The following JARID2 variants were observed in gnomAD, a reference collection of about 807,000 sequenced individuals.
The protein encoded by JARID2 is protein Jumonji.
A neutral mutation model predicts 125.6 loss-of-function variants in JARID2; 21 were observed. The ratio of observed to expected loss-of-function variants is 0.17; its 90% CI spans 0.12 to 0.24. JARID2 has a LOEUF of 0.24. JARID2 is among the 10% of genes least tolerant of loss of function. The pLI is 1.00. For synonymous variants in JARID2, 736 were observed against 661.6 expected (o/e 1.11, Z -1.73); for missense variants, 1,303 against 1,639.6 (o/e 0.79, Z 3.55).
rs1291314513 is a variant in JARID2, at chr6:15,266,350, TTTACTTC to T, written c.45+19770_45+19776del. Among the ~76,000 whole-genome samples, 6 of 152,208 alleles carry T rather than the reference TTTACTTC, an allele frequency of 3.9e-5. No homozygotes were observed. In the East Asian group the frequency reaches 9.6e-4, roughly 24 times the overall value. ...AACAACATAAGTAATAGTTTAGAGT[TTTACTTC>T]TTAACGTCTTCCCAAATTCCTTCTC... is the stretch of plus-strand genomic sequence containing the variant. On this transcript the variant is annotated intron_variant, in intron 1 of 17. Coordinates refer to ENST00000341776, the MANE Select transcript of JARID2 (RefSeq NM_004973.4).
intron 3 of JARID2, among the ~76,000 whole-genome samples, chr6:15,418,569 TA>T (rs1766343579): frequency 6.6e-6 from 1 of 152,340 alleles, no homozygotes; most frequent in East Asian, 1.9e-4. Flanking sequence ...GACTTTAAAA[TA>T]AAAACTCTTA....
intron 1 of JARID2, among the ~76,000 whole-genome samples, chr6:15,283,191 G>A (rs1561768140): frequency 1.3e-5 from 2 of 148,294 alleles, no homozygotes; most frequent in South Asian, 2.1e-4. Context: ...TGTTAGCCAG[G>A]ACGGTCTCGA....
intron 3 of JARID2, among the ~76,000 whole-genome samples, chr6:15,451,060 GGCTGAGGTAGGAGAATC>G (rs1325448093): frequency 6.6e-6 from 1 of 152,216 alleles, no homozygotes; most frequent in East Asian, 1.9e-4. Flanking sequence ...CTACTCAGGA[GGCTGAGGTAGGAGAATC>G]GCTTGAACCT....
intron 1 of JARID2, among the ~76,000 whole-genome samples, chr6:15,366,896 TATGTCTATGTTA>T (rs1276626419): frequency 1.3e-5 from 2 of 152,226 alleles, no homozygotes; most frequent in Non-Finnish European, 2.9e-5. Flanking sequence ...ACAATCCTGC[TATGTCTATGTTA>T]TATTTGTTTT....
At chr6:15,488,347 G>A (rs1004616389) in intron 6 of JARID2, among the ~76,000 whole-genome samples, 3 of 152,184 alleles carry the variant, frequency 2.0e-5, no homozygotes, top group Non-Finnish European at 4.4e-5. Context: ...GCTTGTCCCC[G>A]GACAGGTGGC....
intron 16 of JARID2, among the ~76,000 whole-genome samples, chr6:15,514,438 G>T (rs974487562): frequency 6.6e-6 from 1 of 152,214 alleles, no homozygotes; most frequent in Non-Finnish European, 1.5e-5. Flanking sequence ...TCCCACAGGT[G>T]CCCCCTTCGG....
chr6:15,299,142 A>T (rs1041369030), intron 1 of JARID2, among the ~76,000 whole-genome samples: 1 of 152,232 alleles, frequency 6.6e-6, no homozygotes, highest in Middle Eastern at 3.4e-3. Context: ...GTCAAACTTC[A>T]CTGACCCGTG....
At chr6:15,358,981 C>T (rs1203487508) in intron 1 of JARID2, among the ~76,000 whole-genome samples, 1 of 152,340 alleles carries the variant, frequency 6.6e-6, no homozygotes, top group Non-Finnish European at 1.5e-5. Context: ...GGCGGCCATG[C>T]CTGACCACTA....
chr6:15,473,514 G>GCCCCCC lies in JARID2; in HGVS notation c.670+4807_670+4812dup, dbSNP rs3841758. ...GTCTCCCTTGTCTTCTGATGTGCGT[G>GCCCCCC]CCCCCCCCCCCCCCCCGCTTTGTGT... On this transcript the variant is annotated intron_variant, in intron 5 of 17. Coordinates refer to ENST00000341776, the MANE Select transcript of JARID2 (RefSeq NM_004973.4). Among the ~76,000 whole-genome samples the GCCCCCC allele has an allele frequency of 6.6e-4, 23 of 35,058 alleles. 4 individuals are homozygous for GCCCCCC. The highest frequency in any genetic ancestry group is 1.0e-3 in the Non-Finnish European group (14 of 13,438). 23.0% of individuals were successfully genotyped at this position (35,058 alleles called of 152,430 possible). A position where few individuals can be genotyped will look rare whatever the true frequency, so the allele number is the denominator to read the frequency against.
intron 3 of JARID2, among the ~76,000 whole-genome samples, chr6:15,451,487 G>A (rs1296162528): frequency 1.3e-5 from 2 of 152,130 alleles, no homozygotes; most frequent in South Asian, 2.1e-4. Context: ...TTTCGTGGCC[G>A]AATTTAGAAG....
chr6:15,454,782 G>GT (rs759680326), intron 4 of JARID2, among the ~76,000 whole-genome samples: 1 of 151,976 alleles, frequency 6.6e-6, no homozygotes, highest in Non-Finnish European at 1.5e-5. Context: ...ACATGCCTTA[G>GT]TTTTTACATA....
chr6:15,314,148 T>G (rs1406206477), intron 1 of JARID2, among the ~76,000 whole-genome samples: 1 of 152,216 alleles, frequency 6.6e-6, no homozygotes, highest in African/African-American at 2.4e-5. Flanking sequence ...TGGCAGAGGC[T>G]GTATTCAAAT....
chr6:15,444,266 C>T (rs138578449), intron 3 of JARID2, among the ~76,000 whole-genome samples: 1 of 152,274 alleles, frequency 6.6e-6, no homozygotes, highest in Non-Finnish European at 1.5e-5. Flanking sequence ...ACTGGGTGGA[C>T]CTTGCGCTTA....
chr6:15,449,483 CA>C (rs111845180), intron 3 of JARID2, among the ~76,000 whole-genome samples: 35 of 143,218 alleles, frequency 2.4e-4, no homozygotes, highest in Admixed American at 2.1e-4. Context: ...CTGTCTTTAT[CA>C]AAAAAAAAAA....
At position 15,520,262 on chromosome 6, in the gene JARID2, G is replaced by T; in HGVS notation, c.*11G>T. 6.4e-7 allele frequency: 1 copy of T among 1,569,138 alleles called. No homozygotes were observed. The highest frequency in any genetic ancestry group is 2.3e-5 in the East Asian group (1 of 43,228). The stretch of plus-strand genomic sequence containing the variant: ...TCGAGCTCATCATGAAGATGCCAAC[G>T]CCCGTGGTCGATTTATATATATTTT... On this transcript the variant is annotated 3_prime_UTR_variant, in exon 18 of 18. Transcript: ENST00000341776.
chr6:15,499,575 A>C (rs941580432), intron 7 of JARID2, among the ~76,000 whole-genome samples: 3 of 151,982 alleles, frequency 2.0e-5, no homozygotes, highest in Non-Finnish European at 4.4e-5. Context: ...CTACCTCTGT[A>C]AGTTGAGACA....
chr6:15,458,944 CA>C lies in JARID2; in HGVS notation c.493+6770del, dbSNP rs549004354. Among the ~76,000 whole-genome samples, 541 of 152,294 alleles carry C rather than the reference CA, an allele frequency of 3.6e-3. 3 individuals carry two copies. Among genetic ancestry groups the C allele is most frequent in the Non-Finnish European group, 2.6e-3 (178 of 68,028 alleles). On this transcript the variant is annotated intron_variant, in intron 4 of 17. Transcript: ENST00000341776. ...GAGTATCCCTTGGCGTTCTTCAAGT[CA>C]GGGGTGACATCATAATACACCTATG...
rs1279470865 is a variant in JARID2 at position 15,496,383 on chromosome 6, C to T, written c.1158C>T (p.Thr386=). Reference sequence around the variant, plus strand: ...AAACTGAAAGTAGCAATGCAAAAACCCGCAAACAGGTGCTATCCCTCGGGG... The same window carrying T: ...AAACTGAAAGTAGCAATGCAAAAACTCGCAAACAGGTGCTATCCCTCGGGG... The part of the protein sequence containing the change: ...SGKTESSNAK[T]RKQVLSLGGA... Residue 386 remains threonine (T), a synonymous_variant, in exon 7 of 18, where the codon ACC becomes ACT. Transcript: ENST00000341776. 1 of 1,614,160 alleles carries T rather than the reference C, an allele frequency of 6.2e-7. No individual in the cohort carries two copies. The highest frequency in any genetic ancestry group is 2.2e-5 in the East Asian group (1 of 44,884).
intron 1 of JARID2, among the ~76,000 whole-genome samples, chr6:15,317,732 A>G (rs1180173568): frequency 6.6e-6 from 1 of 152,040 alleles, no homozygotes; most frequent in African/African-American, 2.4e-5. Context: ...AGAAAATGCC[A>G]TGGCTGCGTG....
Sources: allele counts gnomAD v4.1 joint callset (sites outside exome capture counted in the v4.1 genomes callset), GRCh38; gene constraint gnomAD v4.1.1; transcripts MANE v1.5; gene names NCBI Gene and HGNC (gene_info 2026-07-23, HGNC 2026-07-21).